The following ALMS1 variants were observed in gnomAD, a reference collection of about 807,000 sequenced individuals.
ALMS1 encodes ALMS1 centrosome and basal body associated protein.
ALMS1 carries 271 observed loss-of-function variants against 352.2 expected under a neutral mutation model. The ratio of observed to expected loss-of-function variants is 0.77; its 90% CI spans 0.70 to 0.85. The LOEUF is 0.85. Ranked by LOEUF, ALMS1 falls within the 40% of genes least tolerant of loss-of-function variation. The pLI, the probability that ALMS1 is intolerant of heterozygous loss-of-function variation, is 0.00. For missense variants in ALMS1, 5,445 were observed against 4,870.7 expected (o/e 1.12, Z -3.51); for synonymous variants, 1,865 against 1,761.2 (o/e 1.06, Z -1.48).
At chr2:73,408,853 T>C (rs1434139246) in intron 2 of ALMS1, 106 bp downstream of exon 2, 3 of 930,316 alleles carry the variant, frequency 3.2e-6, no homozygotes, top group Non-Finnish European at 4.5e-6. Flanking sequence ...ATTAATATTA[T>C]GTTTTCTTGT....
At chr2:73,502,733 T>C (rs922782252) in intron 10 of ALMS1, among the ~76,000 whole-genome samples, 2 of 152,174 alleles carry the variant, frequency 1.3e-5, no homozygotes, top group Admixed American at 1.3e-4. Flanking sequence ...GAAATTGTCA[T>C]CTTTACTGAA....
In ALMS1 at chr2:73,449,750, A is replaced by G. The variant is rs1245938264; in HGVS notation, c.3223A>G (p.Lys1075Glu). 6.2e-7 allele frequency: 1 copy of G among 1,614,158 alleles called. No individual in the cohort carries two copies. Among genetic ancestry groups the G allele is most frequent in the Non-Finnish European group, 8.5e-7 (1 of 1,179,992 alleles). Residue 1075 changes from lysine (K) to glutamate (E), a missense_variant, in exon 8 of 23, where the codon AAA becomes GAA. By Grantham distance (56) the Lys-to-Glu change is moderately conservative (BLOSUM62 1). Transcript: ENST00000613296. ...SDSHLPEESLKVSAFPGPADQ... is the reference protein window; with the variant it reads ...SDSHLPEESLEVSAFPGPADQ... ...CAGTCATCTACCTGAAGAGAGTCTGAAAGTTTCAGCCTTCCCTGGACCAGC... is the reference window on the plus strand; with the variant it reads ...CAGTCATCTACCTGAAGAGAGTCTGGAAGTTTCAGCCTTCCCTGGACCAGC...
rs566722650 is a variant in ALMS1 at position 73,580,796 on chromosome 2, G to A, written c.11547+7372G>A. On this transcript the variant is annotated intron_variant, in intron 16 of 22. Coordinates refer to ENST00000613296, the MANE Select transcript of ALMS1 (RefSeq NM_001378454.1). ...TTTCTAAATTATGTTTGTAACGACT[G>A]TACTCTTTGTTGTTGTGTGATATTT... Among the ~76,000 whole-genome samples, 8 of 152,164 alleles carry A rather than the reference G, an allele frequency of 5.3e-5. No individual in the cohort carries two copies. In the South Asian group the frequency reaches 1.7e-3, roughly 32 times the overall value.
intron 10 of ALMS1, among the ~76,000 whole-genome samples, chr2:73,518,087 G>GTTTT (rs59981832): frequency 7.0e-6 from 1 of 143,290 alleles, no homozygotes; most frequent in African/African-American, 2.5e-5. Context: ...GTACCCAGTA[G>GTTTT]TTTTTTTTTT....
chr2:73,428,566 A>C (rs1053627488), intron 6 of ALMS1, among the ~76,000 whole-genome samples: 2 of 152,228 alleles, frequency 1.3e-5, no homozygotes, highest in Admixed American at 6.5e-5. Flanking sequence ...ATGTAGATAA[A>C]ATGTATTTTA....
rs534901796 is a variant in ALMS1, at chr2:73,538,774, G to T, written c.9907+3825G>T. On this transcript the variant is annotated intron_variant, in intron 12 of 22. Coordinates refer to ENST00000613296, the MANE Select transcript of ALMS1 (RefSeq NM_001378454.1). ...GCTCGGAGGATCCTACGCCCACGGA[G>T]CCTCGCTCATTGCTAGCACAGCAGT... 6.6e-5 allele frequency among the ~76,000 whole-genome samples: 10 copies of T among 152,328 alleles called. No individual in the cohort carries two copies. The South Asian group carries it at 1.9e-3, about 28-fold the overall frequency.
intron 22 of ALMS1, among the ~76,000 whole-genome samples, chr2:73,608,780 T>C (rs891899142): frequency 6.6e-6 from 1 of 152,228 alleles, no homozygotes; most frequent in African/African-American, 2.4e-5. Context: ...TCCATAATGG[T>C]GTAAGGCCCT....
At chr2:73,515,317 C>G (rs1467283375) in intron 10 of ALMS1, among the ~76,000 whole-genome samples, 2 of 152,026 alleles carry the variant, frequency 1.3e-5, no homozygotes, top group Non-Finnish European at 1.5e-5. Flanking sequence ...TTCCCTTTAT[C>G]TTTTGCTCTC....
intron 10 of ALMS1, among the ~76,000 whole-genome samples, chr2:73,492,467 A>T (rs896170051): frequency 6.6e-6 from 1 of 152,282 alleles, no homozygotes; most frequent in African/African-American, 2.4e-5. Flanking sequence ...AGAGCATTCA[A>T]ATGCATTCTG....
intron 16 of ALMS1, among the ~76,000 whole-genome samples, chr2:73,576,750 A>G (rs1473938682): frequency 6.6e-6 from 1 of 151,498 alleles, no homozygotes; most frequent in East Asian, 1.9e-4. Flanking sequence ...CCTCCCGAGT[A>G]GCTGGGATTA....
intron 21 of ALMS1, among the ~76,000 whole-genome samples, chr2:73,604,561 A>T (rs1675773478): frequency 6.6e-6 from 1 of 152,206 alleles, no homozygotes; most frequent in Admixed American, 6.5e-5. Flanking sequence ...AAGTAATGGT[A>T]CTTTAAAATA....
chr2:73,504,027 T>A (rs1213585538), intron 10 of ALMS1, among the ~76,000 whole-genome samples: 3 of 152,226 alleles, frequency 2.0e-5, no homozygotes. Context: ...TGAGTTATGA[T>A]CAATTTCTAC....
rs562859824 is a variant in ALMS1 at position 73,549,855 on chromosome 2, G to A, written c.9908-412G>A. Among the ~76,000 whole-genome samples the A allele has an allele frequency of 1.9e-4, 29 of 151,818 alleles. No individual in the cohort carries two copies. In the South Asian group the frequency reaches 6.1e-3, roughly 32 times the overall value. On this transcript the variant is annotated intron_variant, in intron 12 of 22. Coordinates refer to ENST00000613296, the MANE Select transcript of ALMS1 (RefSeq NM_001378454.1). Reference sequence around the variant, plus strand: ...TAGTGTAGTGTTTTTTTGTTTGTTCGTTTGTTTGTTTGTTTGTTTTTTAAG... The same window carrying A: ...TAGTGTAGTGTTTTTTTGTTTGTTCATTTGTTTGTTTGTTTGTTTTTTAAG...
chr2:73,490,145 C>T lies in ALMS1; in HGVS notation c.8186C>T (p.Ser2729Phe). The T allele has an allele frequency of 1.2e-6, 2 of 1,614,154 alleles. No individual in the cohort carries two copies. Among genetic ancestry groups the T allele is most frequent in the Non-Finnish European group, 1.7e-6 (2 of 1,180,020 alleles). ...SHRHSKCISNSSVVKVGVTEG... is the reference protein window; with the variant it reads ...SHRHSKCISNFSVVKVGVTEG... ...CGACATTCTAAATGCATTTCCAATT[C>T]CTCTGTTGTTAAGGTTGGTGTTACT... is the stretch of plus-strand genomic sequence containing the variant. Residue 2729 changes from serine to phenylalanine, a missense_variant, in exon 10 of 23, where the codon TCC (serine) becomes TTC (phenylalanine). Ser to Phe is a radical substitution (Grantham distance 155, BLOSUM62 -2). Transcript: ENST00000613296.
intron 9 of ALMS1, among the ~76,000 whole-genome samples, chr2:73,485,918 T>C (rs571447746): frequency 2.1e-4 from 32 of 152,214 alleles, no homozygotes; most frequent in African/African-American, 2.9e-4. Context: ...GGCAATGCCT[T>C]GCCCTGCTTC....
chr2:73,489,341 TAAAAG>T (rs1672923549), intron 9 of ALMS1, among the ~76,000 whole-genome samples: 1 of 152,178 alleles, frequency 6.6e-6, no homozygotes, highest in African/African-American at 2.4e-5. Context: ...TTTCTATTAT[TAAAAG>T]AAAGGTGAGA....
chr2:73,415,935 A>G (rs1187681823), intron 2 of ALMS1, among the ~76,000 whole-genome samples: 1 of 152,214 alleles, frequency 6.6e-6, no homozygotes, highest in Admixed American at 6.5e-5. Context: ...TATAAATGTG[A>G]TAGGATAGTT....
intron 9 of ALMS1, among the ~76,000 whole-genome samples, chr2:73,475,955 G>A (rs567557318): frequency 4.0e-5 from 6 of 151,894 alleles, no homozygotes; most frequent in South Asian, 2.1e-4. Context: ...GTTCAGTGGC[G>A]TTAAGTACAT....
At position 73,401,415 on chromosome 2, in the gene ALMS1, GT is replaced by G. The variant is rs1207019395; in HGVS notation, c.325-7205del. ...TTTGCTGCATCACAAATTTTGATAA[GT>G]TGTATTCTTACTTTCATTTAGTTGA... On this transcript the variant is annotated intron_variant, in intron 1 of 22. Transcript: ENST00000613296. 2.0e-5 allele frequency among the ~76,000 whole-genome samples: 3 copies of G among 152,028 alleles called. No individual in the cohort carries two copies. The East Asian group carries it at 5.8e-4, about 29-fold the overall frequency.
Sources: allele counts gnomAD v4.1 joint callset (sites outside exome capture counted in the v4.1 genomes callset), GRCh38; gene constraint gnomAD v4.1.1; transcripts MANE v1.5; gene names NCBI Gene and HGNC (gene_info 2026-07-23, HGNC 2026-07-21).